The following MRPS5 variants were observed in gnomAD, a reference collection of about 807,000 sequenced individuals.
MRPS5 encodes the protein mitochondrial ribosomal protein S5, also known as small ribosomal subunit protein uS5m.
In MRPS5, 27 loss-of-function variants were observed where a neutral mutation model predicts 51.9. The ratio of observed to expected loss-of-function variants is 0.52; its 90% CI spans 0.38 to 0.72. The LOEUF (loss-of-function observed/expected upper bound fraction) is 0.72. Ranked by LOEUF, MRPS5 falls within the 30% of genes least tolerant of loss-of-function variation. MRPS5 has a pLI of 0.00. For synonymous variants in MRPS5, 196 were observed against 193.2 expected (o/e 1.01, Z -0.12); for missense variants, 570 against 545.7 (o/e 1.04, Z -0.44).
At position 95,101,702 on chromosome 2, in the gene MRPS5, G is replaced by C; in HGVS notation, c.785C>G (p.Thr262Ser). 3.1e-6 allele frequency: 5 copies of C among 1,600,758 alleles called. No homozygotes were observed. The highest frequency in any genetic ancestry group is 8.5e-7 in the Non-Finnish European group (1 of 1,176,594). Residue 262 changes from threonine (T) to serine (S), a missense_variant, in exon 8 of 12, where the codon ACT becomes AGT. By Grantham distance (58) the Thr-to-Ser change is moderately conservative (BLOSUM62 1). Coordinates refer to ENST00000272418, the MANE Select transcript of MRPS5 (RefSeq NM_031902.5). ...TTTCCTGAAAGCATCCATCCGATCAGTAGCTTTCCCAATAGAAAAACCTTT... is the reference window on the plus strand; with the variant it reads ...TTTCCTGAAAGCATCCATCCGATCACTAGCTTTCCCAATAGAAAAACCTTT... ...GAAGFSIGKA[T>S]DRMDAFRKAK...
In MRPS5 at chr2:95,108,176, T is replaced by G. The variant is rs1248280835; in HGVS notation, c.636A>C (p.Gly212=). 1 of 1,613,952 alleles carries G rather than the reference T, an allele frequency of 6.2e-7. No homozygotes were observed. Among genetic ancestry groups the G allele is most frequent in the Admixed American group, 1.7e-5 (1 of 60,032 alleles). ...SLGPPDPGPC[G]ETYEDFDTRI... ...CAAACAAAACCAGGAGTTTGCTACCTCCACAGGGACCAGGGTCAGGGGGGC... is the reference window on the plus strand; with the variant it reads ...CAAACAAAACCAGGAGTTTGCTACCGCCACAGGGACCAGGGTCAGGGGGGC... The change falls in exon 5 of 12, where the codon GGA becomes GGC. Residue 212 remains glycine (G), a splice_region_variant and synonymous_variant. Transcript: ENST00000272418.
chr2:95,106,803 G>A lies in MRPS5; in HGVS notation c.638-346C>T, dbSNP rs115432097. 1,009 of 341,240 alleles carry A rather than the reference G, an allele frequency of 3.0e-3. 10 individuals are homozygous for A. The highest frequency in any genetic ancestry group is 0.019 in the African/African-American group (891 of 47,688). The allele number at this position is 341,240 out of a possible 1,614,324, so 21.1% of individuals were successfully genotyped here. A position where few individuals can be genotyped will look rare whatever the true frequency, so the allele number is the denominator to read the frequency against. On this transcript the variant is annotated intron_variant, in intron 5 of 11. Transcript: ENST00000272418. ...AGACACCACAGTCCATCATTTCCAC[G>A]AAACTTTGTGATGCCCTCAACCCCT... is the stretch of plus-strand genomic sequence containing the variant.
At chr2:95,104,379 C>T (rs1418757536) in intron 7 of MRPS5, 1 of 475,926 alleles carries the variant, frequency 2.1e-6, no homozygotes, top group Non-Finnish European at 3.8e-6. Flanking sequence ...CACTATTATA[C>T]ATAATAAAAT....
At chr2:95,106,335 T>C in intron 6 of MRPS5, 88 bp downstream of exon 6, 2 of 1,079,518 alleles carry the variant, frequency 1.9e-6, no homozygotes, top group Admixed American at 3.4e-5. Context: ...TCCAAGGCCT[T>C]CCCTTACAGT....
At chr2:95,109,590 T>C (rs1676055261) in intron 4 of MRPS5, among the ~76,000 whole-genome samples, 1 of 152,284 alleles carries the variant, frequency 6.6e-6, no homozygotes, top group African/African-American at 2.4e-5. Context: ...AAACATTTAC[T>C]ATCTTCCCTT....
At chr2:95,108,815 T>C (rs1676030746) in intron 4 of MRPS5, among the ~76,000 whole-genome samples, 1 of 152,170 alleles carries the variant, frequency 6.6e-6, no homozygotes, top group Non-Finnish European at 1.5e-5. Context: ...CAAGACCTAT[T>C]ATTGAGTGAA....
rs779110448 is a variant in MRPS5, at chr2:95,090,425, G to A, written c.1029C>T (p.Leu343=). ...CACGGAAGAGGCCCTGGGTGAGGCT[G>A]AGCATATTAATGGACCCAGAGACCT... ...YAKVSGSINM[L]SLTQGLFRGL... Residue 343 remains leucine (L), a synonymous_variant, in exon 11 of 12, where the codon CTC becomes CTT. Coordinates refer to ENST00000272418, the MANE Select transcript of MRPS5 (RefSeq NM_031902.5). 1.2e-6 allele frequency: 2 copies of A among 1,614,094 alleles called. No individual in the cohort carries two copies. Among genetic ancestry groups the A allele is most frequent in the South Asian group, 2.2e-5 (2 of 91,074 alleles).
chr2:95,100,469 G>T lies in MRPS5; in HGVS notation c.931+5C>A. 6.3e-7 allele frequency: 1 copy of T among 1,590,634 alleles called. No homozygotes were observed. The highest frequency in any genetic ancestry group is 8.6e-7 in the Non-Finnish European group (1 of 1,159,298). On this transcript the variant is annotated splice_donor_5th_base_variant and intron_variant, in intron 10 of 11. Transcript: ENST00000272418. ...ATCAACAAATGGTAAGAGTTTTAAA[G>T]TTACCTTTGGGTTGTTTCTTCATCT... is the stretch of plus-strand genomic sequence containing the variant.
At chr2:95,107,188 ACT>A (rs1312583643) in intron 5 of MRPS5, among the ~76,000 whole-genome samples, 1 of 152,044 alleles carries the variant, frequency 6.6e-6, no homozygotes, top group African/African-American at 2.4e-5. Flanking sequence ...TTTCCTCTAA[ACT>A]CTGCTCAACT....
At chr2:95,121,703 G>A (rs1308033997) in intron 1 of MRPS5, 31 bp downstream of exon 1, 4 of 1,527,316 alleles carry the variant, frequency 2.6e-6, no homozygotes, top group Non-Finnish European at 3.5e-6. Context: ...GGCCCGCTCA[G>A]AGCCCCTGCT....
chr2:95,114,530 C>T (rs1161183128), intron 3 of MRPS5, among the ~76,000 whole-genome samples: 1 of 152,130 alleles, frequency 6.6e-6, no homozygotes, highest in African/African-American at 2.4e-5. Flanking sequence ...CTCGGCCTCC[C>T]AAAGTGCTGG....
chr2:95,085,886 G>C lies in MRPS5; in HGVS notation c.*1471C>G, dbSNP rs1435952743. Among the ~76,000 whole-genome samples the C allele has an allele frequency of 1.3e-5, 2 of 151,684 alleles. No homozygotes were observed. Among genetic ancestry groups the C allele is most frequent in the Non-Finnish European group, 2.9e-5 (2 of 67,948 alleles). ...AAACCTCAAGGGATGTCAACACTAAGATGACACAGATGTTGAAACTTTATG... is the reference window on the plus strand; with the variant it reads ...AAACCTCAAGGGATGTCAACACTAACATGACACAGATGTTGAAACTTTATG... On this transcript the variant is annotated 3_prime_UTR_variant, in exon 12 of 12. Coordinates refer to ENST00000272418, the MANE Select transcript of MRPS5 (RefSeq NM_031902.5).
intron 7 of MRPS5, chr2:95,103,713 T>C (rs1675867038): frequency 6.6e-6 from 1 of 152,152 alleles, no homozygotes; most frequent in Non-Finnish European, 1.5e-5. Context: ...AAATTATCCA[T>C]GCACAATGGA....
In MRPS5 at chr2:95,108,286, T is replaced by C. The variant is rs765383486; in HGVS notation, c.526A>G (p.Arg176Gly). The change falls in exon 5 of 12, where the codon AGA (arginine) becomes GGA (glycine). Residue 176 changes from arginine to glycine, a missense_variant. Physicochemically the swap from Arg to Gly is moderately radical, Grantham distance 125. Transcript: ENST00000272418. Reference protein sequence around the residue: ...EKVEADMIQQREEWDRKKKMK... With the variant: ...EKVEADMIQQGEEWDRKKKMK... The stretch of plus-strand genomic sequence containing the variant: ...TTCTTCTTTCGGTCCCACTCTTCTC[T>C]CTGCTGGATCATGTCTGCCTCCACC... 1.2e-6 allele frequency: 2 copies of C among 1,614,206 alleles called. No homozygotes were observed. Among genetic ancestry groups the C allele is most frequent in the East Asian group, 2.2e-5 (1 of 44,882 alleles).
At chr2:95,107,929 C>T (rs995472078) in intron 5 of MRPS5, among the ~76,000 whole-genome samples, 12 of 152,248 alleles carry the variant, frequency 7.9e-5, no homozygotes, top group Non-Finnish European at 1.5e-4. Context: ...CACATCCCCA[C>T]GTTTAAGGAT....
intron 1 of MRPS5, among the ~76,000 whole-genome samples, chr2:95,120,822 C>G (rs1676421406): frequency 6.6e-6 from 1 of 152,120 alleles, no homozygotes; most frequent in Non-Finnish European, 1.5e-5. Context: ...TGAACAGGAC[C>G]TTGAAAAAGC....
At chr2:95,092,403 T>C (rs1424884288) in intron 10 of MRPS5, 1 of 152,226 alleles carries the variant, frequency 6.6e-6, no homozygotes, top group Non-Finnish European at 1.5e-5. Flanking sequence ...AAAAATACTT[T>C]TGGTGCCTTT....
chr2:95,106,563 T>G, intron 5 of MRPS5, 106 bp from the exon 6 acceptor site: 1 of 949,828 alleles, frequency 1.1e-6, no homozygotes, highest in Non-Finnish European at 1.7e-6. Context: ...GGAGAAAGAA[T>G]CTCAGATCTT....
chr2:95,099,268 A>T (rs1675725660), intron 10 of MRPS5, among the ~76,000 whole-genome samples: 1 of 152,110 alleles, frequency 6.6e-6, no homozygotes, highest in Non-Finnish European at 1.5e-5. Flanking sequence ...AGTCATTCAA[A>T]CATCATTGAG....
Sources: allele counts gnomAD v4.1 joint callset (sites outside exome capture counted in the v4.1 genomes callset), GRCh38; gene constraint gnomAD v4.1.1; transcripts MANE v1.5; gene names NCBI Gene and HGNC (gene_info 2026-07-23, HGNC 2026-07-21).